GRIK5: variants seen among roughly 807,000 people sequenced by gnomAD.
GRIK5 encodes the protein glutamate ionotropic receptor kainate type subunit 5.
A neutral mutation model predicts 97.4 loss-of-function variants in GRIK5; 43 were observed. That is an observed-to-expected ratio of 0.44 (90% CI 0.35 to 0.57). The LOEUF is 0.57. Among genes scored for constraint, GRIK5 ranks in the 20% least tolerant of loss-of-function variants. The probability of loss-of-function intolerance (pLI) is 0.01; values close to 1 mark genes in which losing one functional copy is unlikely to be tolerated. For missense variants in GRIK5, 1,015 were observed against 1,382.0 expected (o/e 0.73, Z 4.21); for synonymous variants, 580 against 583.5 (o/e 0.99, Z 0.09).
At chr19:42,019,658 A>G (rs1175801872) in intron 15 of GRIK5, among the ~76,000 whole-genome samples, 1 of 152,212 alleles carries the variant, frequency 6.6e-6, no homozygotes, top group Non-Finnish European at 1.5e-5. Context: ...AGGAATCACA[A>G]GGGTCCTTAG....
rs1433801239 is a variant in GRIK5 at position 42,042,719 on chromosome 19, C to T, written c.1306G>A (p.Ala436Thr). The change falls in exon 12 of 20, where the codon GCC becomes ACC. Residue 436 changes from alanine (A) to threonine (T), a missense_variant. This residue lies in a region of GRIK5 where 477 missense variants were observed against 701.1 expected (regional missense o/e 0.68). Coordinates refer to ENST00000593562, the MANE Select transcript of GRIK5 (RefSeq NM_002088.5). The surrounding 1 kb of genome is among the most constrained non-coding windows in gnomAD (Gnocchi z 6.9). ...TCGAAGCGTTCGTTCCCCGACAGGG[C>T]CTGGAAGTTGGGCCGGCGCATGACG... ...PYVMRRPNFQ[A>T]LSGNERFEGF... The T allele has an allele frequency of 6.2e-7, 1 of 1,613,752 alleles. No homozygotes were observed. Among genetic ancestry groups the T allele is most frequent in the Admixed American group, 1.7e-5 (1 of 60,008 alleles).
chr19:42,006,863 C>T lies in GRIK5; in HGVS notation c.1872-53G>A. On this transcript the variant is annotated intron_variant, in intron 15 of 19. Transcript: ENST00000593562. The surrounding 1 kb of genome is among the most constrained non-coding windows in gnomAD (Gnocchi z 5.3). The stretch of plus-strand genomic sequence containing the variant: ...GCTGGAGTCACCCCTGCTGACCTGC[C>T]CCCGTGGCCATGCCCCCCATTGGTG... 7.1e-7 allele frequency: 1 copy of T among 1,417,930 alleles called. No homozygotes were observed. The highest frequency in any genetic ancestry group is 9.5e-7 in the Non-Finnish European group (1 of 1,052,100). 87.8% of individuals were successfully genotyped at this position (1,417,930 alleles called of 1,614,324 possible). A position where few individuals can be genotyped will look rare whatever the true frequency, so the allele number is the denominator to read the frequency against.
chr19:42,051,159 G>T (rs1166589542), intron 11 of GRIK5, among the ~76,000 whole-genome samples: 1 of 152,076 alleles, frequency 6.6e-6, no homozygotes. Flanking sequence ...GGACCACCTG[G>T]GTACCCTGAC....
In GRIK5 at chr19:42,014,138, A is replaced by T. The variant is rs112330849; in HGVS notation, c.1871+7163T>A. Among the ~76,000 whole-genome samples, 32 of 151,870 alleles carry T rather than the reference A, an allele frequency of 2.1e-4. 1 individual carries two copies. The highest frequency in any genetic ancestry group is 7.5e-4 in the African/African-American group (31 of 41,400). On this transcript the variant is annotated intron_variant, in intron 15 of 19. Coordinates refer to ENST00000593562, the MANE Select transcript of GRIK5 (RefSeq NM_002088.5). ...GCCAGACACGGTGGCTCACACCTGT[A>T]ATCCCAGCACTTTGGGAGTCTGAGG...
At chr19:42,033,817 A>C (rs1438600177) in intron 12 of GRIK5, among the ~76,000 whole-genome samples, 1 of 152,130 alleles carries the variant, frequency 6.6e-6, no homozygotes, top group East Asian at 1.9e-4. Flanking sequence ...CATGGAAACA[A>C]GGCAAAACGC....
chr19:42,014,396 C>G (rs1259272525), intron 15 of GRIK5, among the ~76,000 whole-genome samples: 1 of 150,492 alleles, frequency 6.6e-6, no homozygotes, highest in East Asian at 1.9e-4. Flanking sequence ...GTCAAAACTC[C>G]ATCTCAAAAA....
chr19:42,015,008 A>C (rs1416076392), intron 15 of GRIK5, among the ~76,000 whole-genome samples: 1 of 152,268 alleles, frequency 6.6e-6, no homozygotes, highest in Non-Finnish European at 1.5e-5. Flanking sequence ...CAGAGTGCCT[A>C]TATTAGTATC....
At chr19:42,036,655 G>A (rs566673121) in intron 12 of GRIK5, among the ~76,000 whole-genome samples, 9 of 152,170 alleles carry the variant, frequency 5.9e-5, no homozygotes, top group East Asian at 3.8e-4. Flanking sequence ...CATGCCTGGC[G>A]TGTGTGTGCG....
chr19:42,008,332 T>A (rs552140544), intron 15 of GRIK5, among the ~76,000 whole-genome samples: 25 of 151,672 alleles, frequency 1.6e-4, no homozygotes, highest in East Asian at 8.0e-4. Flanking sequence ...CATAATTTTT[T>A]AAAAAAATAC....
intron 19 of GRIK5, chr19:42,001,654 C>A (rs1276160049): frequency 6.3e-6 from 1 of 157,614 alleles, no homozygotes; most frequent in Non-Finnish European, 1.4e-5. Flanking sequence ...CTTTGTTGAG[C>A]CTTCAGACCA....
intron 17 of GRIK5, among the ~76,000 whole-genome samples, chr19:42,005,056 A>G (rs1443585989): frequency 6.6e-6 from 1 of 152,128 alleles, no homozygotes; most frequent in Non-Finnish European, 1.5e-5. Context: ...GATAACTAAT[A>G]CAGGTGTCAT....
At position 42,002,558 on chromosome 19, in the gene GRIK5, A is replaced by C; in HGVS notation, c.2514+774T>G. On this transcript the variant is annotated intron_variant, in intron 19 of 19. Transcript: ENST00000593562. The surrounding 1 kb of genome is among the most constrained non-coding windows in gnomAD (Gnocchi z 5.2). ...TGCAGAGCTGGGGTCTGGGGAGTAG[A>C]TGTAAGGTCAGCCGCTGGATGTGAG... The C allele has an allele frequency of 1.5e-6, 1 of 667,664 alleles. No homozygotes were observed. The highest frequency in any genetic ancestry group is 2.8e-6 in the Non-Finnish European group (1 of 359,948). 41.4% of individuals were successfully genotyped at this position (667,664 alleles called of 1,614,324 possible). A position where few individuals can be genotyped will look rare whatever the true frequency, so the allele number is the denominator to read the frequency against.
At chr19:42,056,898 C>T (rs1418659646) in intron 7 of GRIK5, 27 bp downstream of exon 7, 1 of 1,606,850 alleles carries the variant, frequency 6.2e-7, no homozygotes, top group African/African-American at 1.3e-5. Flanking sequence ...GAAGTGGGGG[C>T]AGAGATGGGC....
intron 1 of GRIK5, 135 bp downstream of exon 1, chr19:42,069,106 G>GC (rs2076386177): frequency 2.3e-6 from 1 of 434,850 alleles, no homozygotes; most frequent in Non-Finnish European, 4.1e-6. Context: ...AGGGCGCAGA[G>GC]CAGGCCCCTA....
chr19:42,056,459 C>T (rs909315553), intron 8 of GRIK5, among the ~76,000 whole-genome samples: 9 of 152,116 alleles, frequency 5.9e-5, no homozygotes, highest in Non-Finnish European at 1.3e-4. Flanking sequence ...GCATCAGAGG[C>T]ACCTCGAGGA....
At chr19:42,017,534 T>C (rs2075639327) in intron 15 of GRIK5, among the ~76,000 whole-genome samples, 2 of 152,274 alleles carry the variant, frequency 1.3e-5, no homozygotes, top group Admixed American at 6.5e-5. Context: ...GAAAACTCAC[T>C]AGTGTGAGTG....
At chr19:42,043,013 A>G (rs1599810953) in intron 11 of GRIK5, 5 of 543,822 alleles carry the variant, frequency 9.2e-6, no homozygotes, top group Admixed American at 6.9e-5. Flanking sequence ...CCTGATGCTC[A>G]TTGGTGCCAA....
At chr19:42,063,388 A>G (rs917748727) in intron 3 of GRIK5, 6 of 456,492 alleles carry the variant, frequency 1.3e-5, no homozygotes, top group African/African-American at 1.0e-4. Flanking sequence ...TTGCTTGTCC[A>G]GTGCCTGTTC....
At chr19:42,028,470 C>T (rs1249665690) in intron 12 of GRIK5, among the ~76,000 whole-genome samples, 1 of 152,234 alleles carries the variant, frequency 6.6e-6, no homozygotes, top group Non-Finnish European at 1.5e-5. Context: ...TCCTTCCTGT[C>T]TCCTCTCCCA....
Sources: allele counts gnomAD v4.1 joint callset (sites outside exome capture counted in the v4.1 genomes callset), GRCh38; gene constraint gnomAD v4.1.1; regional missense constraint gnomAD v4.1.1; non-coding constraint Gnocchi (gnomAD v3.1); transcripts MANE v1.5; gene names NCBI Gene and HGNC (gene_info 2026-07-23, HGNC 2026-07-21).